Variants in SCN9A observed in about 807,000 individuals in gnomAD.
SCN9A encodes sodium channel protein type 9 subunit alpha.
SCN9A carries 131 observed loss-of-function variants against 187.0 expected under a neutral mutation model. The observed-to-expected ratio is 0.70, with a 90% CI of 0.61 to 0.81. The LOEUF (loss-of-function observed/expected upper bound fraction) is 0.81. Among genes scored for constraint, SCN9A ranks in the 30% least tolerant of loss-of-function variants. The pLI, the probability that SCN9A is intolerant of heterozygous loss-of-function variation, is 0.00. For synonymous variants in SCN9A, 809 were observed against 808.6 expected (o/e 1.00, Z -0.01); for missense variants, 2,252 against 2,396.6 (o/e 0.94, Z 1.26).
intron 17 of SCN9A, among the ~76,000 whole-genome samples, chr2:166,258,347 C>A (rs907492566): frequency 6.6e-6 from 1 of 151,272 alleles, no homozygotes; most frequent in Non-Finnish European, 1.5e-5. Flanking sequence ...TCTATCTAAA[C>A]CTCTTAGTTT....
chr2:166,208,458 A>G (rs922168555), intron 24 of SCN9A, among the ~76,000 whole-genome samples: 10 of 152,142 alleles, frequency 6.6e-5, no homozygotes, highest in Non-Finnish European at 1.5e-4. Flanking sequence ...GTGCTATTAA[A>G]CTTCCTGATA....
At position 166,269,556 on chromosome 2, in the gene SCN9A, G is replaced by T. The variant is rs995775408; in HGVS notation, c.3351+2843C>A. 3.3e-5 allele frequency among the ~76,000 whole-genome samples: 5 copies of T among 151,976 alleles called. No individual in the cohort carries two copies. The South Asian group carries it at 6.2e-4, about 19-fold the overall frequency. On this transcript the variant is annotated intron_variant, in intron 17 of 26. Coordinates refer to ENST00000642356, the MANE Select transcript of SCN9A (RefSeq NM_001365536.1). ...ATAACTGTATAACTCTATAACTCTAGATTTATAACTGTATAACTCTAGCTT... is the reference window on the plus strand; with the variant it reads ...ATAACTGTATAACTCTATAACTCTATATTTATAACTGTATAACTCTAGCTT...
At position 166,286,591 on chromosome 2, in the gene SCN9A, A is replaced by G. The variant is rs201990547; in HGVS notation, c.1347T>C (p.Ser449=). 30 of 1,581,128 alleles carry G rather than the reference A, an allele frequency of 1.9e-5. No individual in the cohort carries two copies. In the Admixed American group the frequency reaches 4.4e-4, roughly 23 times the overall value. Residue 449 remains serine (S), a synonymous_variant, in exon 11 of 27, where the codon AGT becomes AGC. Coordinates refer to ENST00000642356, the MANE Select transcript of SCN9A (RefSeq NM_001365536.1). The part of the protein sequence containing the change: ...AIAAAAAEYT[S]IRRSRIMGLS... Reference sequence around the variant, plus strand: ...GGCCCATAATTCTGCTTCTCCTAATACTTGTATATTCAGCCGCTGCCGCTG... The same window carrying G: ...GGCCCATAATTCTGCTTCTCCTAATGCTTGTATATTCAGCCGCTGCCGCTG...
chr2:166,355,671 TA>T (rs1344445133), intron 1 of SCN9A, among the ~76,000 whole-genome samples: 1 of 152,200 alleles, frequency 6.6e-6, no homozygotes, highest in East Asian at 1.9e-4. Context: ...TTAAAGGAAT[TA>T]TGCAGTAACT....
At chr2:166,312,601 C>T (rs1698995863) in intron 1 of SCN9A, among the ~76,000 whole-genome samples, 1 of 152,092 alleles carries the variant, frequency 6.6e-6, no homozygotes, top group South Asian at 2.1e-4. Context: ...TTCCCAGACC[C>T]ATCAGAGGAA....
At chr2:166,259,763 A>G (rs989586852) in intron 17 of SCN9A, among the ~76,000 whole-genome samples, 2 of 151,782 alleles carry the variant, frequency 1.3e-5, no homozygotes, top group African/African-American at 4.8e-5. Flanking sequence ...AAGTTTCCAA[A>G]TTTATCAAAA....
chr2:166,368,803 C>T (rs374670592), intron 1 of SCN9A, among the ~76,000 whole-genome samples: 4 of 151,670 alleles, frequency 2.6e-5, no homozygotes. Flanking sequence ...GCCTGCCCAA[C>T]CTGGTGAAAT....
At chr2:166,329,689 T>TG (rs1479699302) in intron 1 of SCN9A, among the ~76,000 whole-genome samples, 1 of 152,130 alleles carries the variant, frequency 6.6e-6, no homozygotes. Context: ...TACAGTCTGT[T>TG]GGGGAAAACC....
In SCN9A at chr2:166,227,807, A is replaced by G. The variant is rs547114297; in HGVS notation, c.4207-84T>C. On this transcript the variant is annotated intron_variant, in intron 22 of 26. Coordinates refer to ENST00000642356, the MANE Select transcript of SCN9A (RefSeq NM_001365536.1). ...AACAGAGTTTTGTCTGTTTAATGTT[A>G]CCACAATTATTAAGTAATACTAGTA... 9.5e-6 allele frequency: 7 copies of G among 735,366 alleles called. No homozygotes were observed. In the African/African-American group the frequency reaches 1.2e-4, roughly 13 times the overall value. 45.6% of individuals were successfully genotyped at this position (735,366 alleles called of 1,614,324 possible).
intron 1 of SCN9A, among the ~76,000 whole-genome samples, chr2:166,343,171 T>C (rs1046937844): frequency 3.3e-5 from 5 of 152,174 alleles, no homozygotes; most frequent in Non-Finnish European, 7.4e-5. Context: ...TGTCATATAC[T>C]TTGCTTGTTT....
chr2:166,212,109 A>G (rs1354500232), intron 24 of SCN9A, among the ~76,000 whole-genome samples: 1 of 152,200 alleles, frequency 6.6e-6, no homozygotes, highest in African/African-American at 2.4e-5. Flanking sequence ...ACCAAAAGAG[A>G]GCAATGGGGC....
chr2:166,338,028 C>T (rs1699671640), intron 1 of SCN9A, among the ~76,000 whole-genome samples: 1 of 152,124 alleles, frequency 6.6e-6, no homozygotes, highest in South Asian at 2.1e-4. Flanking sequence ...TGGCAGCACT[C>T]TTCCCAGGAT....
Position 166,284,548 on chromosome 2 carries a change from C to T in SCN9A, c.1879G>A (p.Val627Met). The change falls in exon 12 of 27, where the codon GTG becomes ATG. Residue 627 changes from valine to methionine, a missense_variant. By Grantham distance (21) the Val-to-Met change is conservative. Around this residue, in one of 7 missense-constraint regions of SCN9A, gnomAD observed 1,013 missense variants for 997.4 expected, o/e 1.02. Coordinates refer to ENST00000642356, the MANE Select transcript of SCN9A (RefSeq NM_001365536.1). ...KMHSAVDCNG[V>M]VSLVDGRSAL... ...GAGCGTCCATCAACCAGGGAGACCA[C>T]ACCGTTGCAGTCCACAGCACTGTGC... 6.2e-7 allele frequency: 1 copy of T among 1,614,174 alleles called. No individual in the cohort carries two copies. The highest frequency in any genetic ancestry group is 8.5e-7 in the Non-Finnish European group (1 of 1,180,010).
chr2:166,226,674 G>C lies in SCN9A; in HGVS notation c.4291C>G (p.Leu1431Val), dbSNP rs1432611098. Reference sequence around the variant, plus strand: ...ACGACAAAATAAATATACATGTAGAGGCTATATTCATATTTGGGCTGCTTG... The same window carrying C: ...ACGACAAAATAAATATACATGTAGACGCTATATTCATATTTGGGCTGCTTG... ...VDKQPKYEYS[L>V]YMYIYFVVFI... The change falls in exon 24 of 27, where the codon CTC (leucine) becomes GTC (valine). Residue 1431 changes from leucine to valine, a missense_variant. This residue lies in a region of SCN9A where 368 missense variants were observed against 408.6 expected (regional missense o/e 0.90). Transcript: ENST00000642356. 3.8e-6 allele frequency: 6 copies of C among 1,579,048 alleles called. No individual in the cohort carries two copies. The highest frequency in any genetic ancestry group is 5.2e-6 in the Non-Finnish European group (6 of 1,164,420).
At chr2:166,270,438 G>A (rs1423195241) in intron 17 of SCN9A, among the ~76,000 whole-genome samples, 1 of 151,308 alleles carries the variant, frequency 6.6e-6, no homozygotes, top group African/African-American at 2.4e-5. Context: ...CAAACTACTC[G>A]CCCATAGATA....
chr2:166,345,819 A>C (rs1699887497), intron 1 of SCN9A, among the ~76,000 whole-genome samples: 1 of 152,072 alleles, frequency 6.6e-6, no homozygotes, highest in Admixed American at 6.6e-5. Context: ...ATATCTTTTT[A>C]TTTTCATCCC....
intron 17 of SCN9A, among the ~76,000 whole-genome samples, chr2:166,264,114 C>A (rs1696632315): frequency 6.6e-6 from 1 of 151,960 alleles, no homozygotes; most frequent in South Asian, 2.1e-4. Flanking sequence ...TCAAGTTAAT[C>A]CCGATATTAA....
At chr2:166,258,797 A>G (rs900618886) in intron 17 of SCN9A, among the ~76,000 whole-genome samples, 1 of 151,708 alleles carries the variant, frequency 6.6e-6, no homozygotes, top group Non-Finnish European at 1.5e-5. Flanking sequence ...ACAATTTTTT[A>G]GAGTTTTGAT....
At chr2:166,209,763 T>A (rs1693994345) in intron 24 of SCN9A, among the ~76,000 whole-genome samples, 1 of 151,430 alleles carries the variant, frequency 6.6e-6, no homozygotes, top group African/African-American at 2.4e-5. Flanking sequence ...TGAGATACCA[T>A]CTCATACCAG....
Sources: allele counts gnomAD v4.1 joint callset (sites outside exome capture counted in the v4.1 genomes callset), GRCh38; gene constraint gnomAD v4.1.1; regional missense constraint gnomAD v4.1.1; transcripts MANE v1.5; gene names NCBI Gene and HGNC (gene_info 2026-07-23, HGNC 2026-07-21).